Variants in MIS18A observed in about 807,000 individuals in gnomAD.
MIS18A encodes MIS18 kinetochore protein A, also known as protein Mis18-alpha.
MIS18A carries 14 observed loss-of-function variants against 25.0 expected under a neutral mutation model. The ratio of observed to expected loss-of-function variants is 0.56; its 90% CI spans 0.37 to 0.88. The LOEUF is 0.88. Among genes scored for constraint, MIS18A ranks in the 40% least tolerant of loss-of-function variants. The probability of loss-of-function intolerance (pLI) is 0.00; values close to 1 mark genes in which losing one functional copy is unlikely to be tolerated. For synonymous variants in MIS18A, 134 were observed against 118.6 expected (o/e 1.13, Z -0.84); for missense variants, 292 against 290.8 (o/e 1.00, Z -0.03).
At chr21:32,179,292 T>C in the MIS18A span, among the ~76,000 whole-genome samples, 1 of 152,192 alleles carries the variant, frequency 6.6e-6, no homozygotes. Context: ...TCTTCACTTT[T>C]TACTTCTGTG....
the MIS18A span, among the ~76,000 whole-genome samples, chr21:32,178,885 T>G: frequency 6.6e-6 from 1 of 152,296 alleles, no homozygotes; most frequent in African/African-American, 2.4e-5. Flanking sequence ...TCTTCTTTTA[T>G]CCTTTATTTC....
intron 3 of MIS18A, among the ~76,000 whole-genome samples, chr21:32,270,139 A>T (rs1198650433): frequency 2.0e-5 from 3 of 152,188 alleles, no homozygotes; most frequent in Non-Finnish European, 2.9e-5. Flanking sequence ...TATCCTACTG[A>T]ACTACTTTCA....
the MIS18A span, among the ~76,000 whole-genome samples, chr21:32,233,578 C>A: frequency 6.6e-6 from 1 of 152,208 alleles, no homozygotes; most frequent in Non-Finnish European, 1.5e-5. Context: ...CAGGTTTCCT[C>A]TCTACAATTG....
At chr21:32,238,861 A>G in the MIS18A span, among the ~76,000 whole-genome samples, 4 of 152,226 alleles carry the variant, frequency 2.6e-5, no homozygotes, top group African/African-American at 9.6e-5. Flanking sequence ...AGGACATCAG[A>G]AATTCCTGTT....
the MIS18A span, among the ~76,000 whole-genome samples, chr21:32,189,931 C>CCTG: frequency 6.6e-6 from 1 of 152,206 alleles, no homozygotes; most frequent in Non-Finnish European, 1.5e-5. Context: ...AGGACCCAGC[C>CCTG]CTGAGCAGTT....
chr21:32,217,498 A>G, the MIS18A span, among the ~76,000 whole-genome samples: 1 of 152,244 alleles, frequency 6.6e-6, no homozygotes, highest in African/African-American at 2.4e-5. Context: ...CAACAAATAC[A>G]TAATTGGAAT....
chr21:32,223,406 A>G, the MIS18A span, among the ~76,000 whole-genome samples: 1 of 152,230 alleles, frequency 6.6e-6, no homozygotes, highest in Admixed American at 6.5e-5. Flanking sequence ...AAGAAAAGAG[A>G]GAAGAATCAA....
the MIS18A span, among the ~76,000 whole-genome samples, chr21:32,195,348 T>C: frequency 6.6e-6 from 1 of 152,206 alleles, no homozygotes; most frequent in African/African-American, 2.4e-5. Flanking sequence ...TCGATTTCAG[T>C]TAGAGGGATA....
chr21:32,245,675 C>A, the MIS18A span, among the ~76,000 whole-genome samples: 1 of 152,182 alleles, frequency 6.6e-6, no homozygotes, highest in African/African-American at 2.4e-5. Flanking sequence ...CTCTGTCCTT[C>A]CAAACCTTCA....
chr21:32,271,112 C>T (rs1287504899), intron 2 of MIS18A, among the ~76,000 whole-genome samples: 2 of 152,362 alleles, frequency 1.3e-5, no homozygotes, highest in East Asian at 1.9e-4. Context: ...GTTCCACACA[C>T]TTGAATATAC....
chr21:32,259,563 C>T, the MIS18A span, among the ~76,000 whole-genome samples: 4,853 of 152,256 alleles, frequency 0.032, 241 homozygotes, highest in African/African-American at 0.11. Flanking sequence ...TTATGGATTC[C>T]GCATTCATGA....
chr21:32,167,016 T>C, the MIS18A span, among the ~76,000 whole-genome samples: 70,667 of 151,960 alleles, frequency 0.47, 16,779 homozygotes, highest in East Asian at 0.6. Context: ...TTAGCATTTA[T>C]TACCATGTAA....
intron 1 of MIS18A, among the ~76,000 whole-genome samples, chr21:32,277,446 C>T (rs2123472826): frequency 6.6e-6 from 1 of 152,212 alleles, no homozygotes; most frequent in East Asian, 1.9e-4. Flanking sequence ...AACCAAAAAT[C>T]TGCTTTTTTC....
the MIS18A span, among the ~76,000 whole-genome samples, chr21:32,174,614 A>G: frequency 2.6e-5 from 4 of 152,356 alleles, no homozygotes; most frequent in East Asian, 7.7e-4. Context: ...ACACAGCTTC[A>G]AAATATACAA....
chr21:32,165,950 C>T, the MIS18A span, among the ~76,000 whole-genome samples: 1 of 152,158 alleles, frequency 6.6e-6, no homozygotes, highest in Non-Finnish European at 1.5e-5. Flanking sequence ...AGTGAACAGG[C>T]ATTATCACCT....
At chr21:32,242,156 A>G in the MIS18A span, among the ~76,000 whole-genome samples, 9 of 152,256 alleles carry the variant, frequency 5.9e-5, no homozygotes, top group Non-Finnish European at 1.0e-4. Flanking sequence ...CTGGGATTAC[A>G]GGCGCGAGCC....
Position 32,269,784 on chromosome 21 carries a change from C to G in MIS18A, c.544G>C (p.Glu182Gln). The G allele has an allele frequency of 6.2e-7, 1 of 1,608,662 alleles. No homozygotes were observed. The highest frequency in any genetic ancestry group is 1.3e-5 in the African/African-American group (1 of 74,936). Residue 182 changes from glutamate to glutamine, a missense_variant, in exon 4 of 5, where the codon GAA (glutamate) becomes CAA (glutamine). Coordinates refer to ENST00000290130, the MANE Select transcript of MIS18A (RefSeq NM_018944.3). ...TTATCTTCTGACACAATTTGCTTTT[C>G]AGAGGACCCTAAAACATAACTGAAG... The part of the protein sequence containing the change: ...AIESYVLGSS[E>Q]KQIVSEDKEL...
chr21:32,258,534 T>C, the MIS18A span, among the ~76,000 whole-genome samples: 1 of 152,112 alleles, frequency 6.6e-6, no homozygotes, highest in African/African-American at 2.4e-5. Flanking sequence ...ATGCGGCCCC[T>C]TGTGGCCTGA....
At chr21:32,184,132 G>C in the MIS18A span, among the ~76,000 whole-genome samples, 3 of 152,160 alleles carry the variant, frequency 2.0e-5, no homozygotes, top group Admixed American at 6.5e-5. Context: ...AAAGCCCCCA[G>C]CATCACAACT....
Sources: allele counts gnomAD v4.1 joint callset (sites outside exome capture counted in the v4.1 genomes callset), GRCh38; gene constraint gnomAD v4.1.1; transcripts MANE v1.5; gene names NCBI Gene and HGNC (gene_info 2026-07-23, HGNC 2026-07-21).